Variants in LPIN1 observed in about 807,000 individuals in gnomAD.
The protein encoded by LPIN1 is lipin 1.
In LPIN1, 71 loss-of-function variants were observed where a neutral mutation model predicts 107.5. That is an observed-to-expected ratio of 0.66 (90% CI 0.55 to 0.80). The LOEUF is 0.80. LPIN1 is among the 30% of genes least tolerant of loss of function. The probability of loss-of-function intolerance (pLI) is 0.00; values close to 1 mark genes in which losing one functional copy is unlikely to be tolerated. For synonymous variants in LPIN1, 445 were observed against 452.6 expected (o/e 0.98, Z 0.21); for missense variants, 1,043 against 1,160.6 (o/e 0.90, Z 1.47).
chr2:11,813,908 T>A (rs529220190), intron 17 of LPIN1, among the ~76,000 whole-genome samples: 2 of 152,160 alleles, frequency 1.3e-5, no homozygotes, highest in East Asian at 3.9e-4. Flanking sequence ...AGCAAGACTC[T>A]GTCTCGAAAA....
Position 11,707,744 on chromosome 2 carries a change from G to T in LPIN1, c.82-6012G>T, listed in dbSNP as rs1663201457. The stretch of plus-strand genomic sequence containing the variant: ...GGAGGGGAGAAAGGGAGTGGCTGGG[G>T]CCTGTCCCAACCAAGCGCTGCTGCT... On this transcript the variant is annotated intron_variant, in intron 1 of 21. Coordinates refer to the LPIN1 transcript ENST00000449576. The surrounding 1 kb of genome is among the most constrained non-coding windows in gnomAD (Gnocchi z 4.2). Among the ~76,000 whole-genome samples the T allele has an allele frequency of 6.6e-6, 1 of 152,116 alleles. No homozygotes were observed. The highest frequency in any genetic ancestry group is 1.5e-5 in the Non-Finnish European group (1 of 68,014).
chr2:11,785,798 T>G (rs1418152669), intron 10 of LPIN1, among the ~76,000 whole-genome samples: 1 of 152,164 alleles, frequency 6.6e-6, no homozygotes, highest in African/African-American at 2.4e-5. Flanking sequence ...GACTCCTGCC[T>G]CCACCCTGGT....
chr2:11,779,772 AAG>A, intron 7 of LPIN1, 127 bp downstream of exon 7: 1 of 1,090,248 alleles, frequency 9.2e-7, no homozygotes, highest in South Asian at 1.3e-5. Context: ...AAAATATATT[AAG>A]GGTTAGCCTT....
upstream of LPIN1, chr2:11,722,468 G>T (rs1159292289): frequency 6.6e-6 from 1 of 152,268 alleles, no homozygotes; most frequent in Non-Finnish European, 1.5e-5. Context: ...CGGCTCTGCA[G>T]TGTAATGGCC....
chr2:11,794,094 C>T (rs1215945954), intron 13 of LPIN1, among the ~76,000 whole-genome samples: 9 of 152,204 alleles, frequency 5.9e-5, no homozygotes, highest in African/African-American at 2.2e-4. Flanking sequence ...TGTTCTTTGA[C>T]ATTTTCTGTT....
exon 1 of LPIN1, chr2:11,677,652 G>T: frequency 6.5e-7 from 1 of 1,535,560 alleles, no homozygotes; most frequent in South Asian, 1.2e-5. Context: ...CGGGCCATGG[G>T]GGAACAGGAC....
intron 14 of LPIN1, among the ~76,000 whole-genome samples, chr2:11,797,333 C>T (rs899085971): frequency 2.0e-5 from 3 of 152,174 alleles, no homozygotes; most frequent in Non-Finnish European, 4.4e-5. Context: ...ACTGGGTCTT[C>T]GAGGCAACTT....
In LPIN1 at chr2:11,741,007, G is replaced by A. The variant is rs927764439; in HGVS notation, c.-71-342G>A. 13 of 180,634 alleles carry A rather than the reference G, an allele frequency of 7.2e-5. No homozygotes were observed. The Admixed American group carries it at 7.9e-4, about 11-fold the overall frequency. 11.2% of individuals were successfully genotyped at this position (180,634 alleles called of 1,614,324 possible). A position where few individuals can be genotyped will look rare whatever the true frequency, so the allele number is the denominator to read the frequency against. ...CATAAATTTCTTCCCAGAGCAATCA[G>A]AGATGCTGCATCCAGTTTACTTATT... On this transcript the variant is annotated intron_variant, in intron 1 of 21. Transcript: ENST00000396097.
At chr2:11,784,590 AG>A (rs1674165847) in intron 9 of LPIN1, 1 of 514,342 alleles carries the variant, frequency 1.9e-6, no homozygotes, top group Non-Finnish European at 3.4e-6. Context: ...GATCTAGGGC[AG>A]GGCTGGCGCC....
intron 1 of LPIN1, among the ~76,000 whole-genome samples, chr2:11,753,714 A>G (rs149785459): frequency 2.0e-4 from 30 of 152,350 alleles, no homozygotes; most frequent in Non-Finnish European, 3.5e-4. Context: ...TCAGTCCACA[A>G]TGCTCTGAAA....
At position 11,677,718 on chromosome 2, in the gene LPIN1, C is replaced by T. The variant is rs535520576; in HGVS notation, c.71C>T (p.Ala24Val). 6.5e-6 allele frequency: 10 copies of T among 1,535,728 alleles called. No individual in the cohort carries two copies. The African/African-American group carries it at 1.4e-4, about 21-fold the overall frequency. ...CAGGGCAAGAGCTCCCCAGACTCGG[C>T]TTGGTCATGGGTAAGGGCCGGCCAT... Residue 24 changes from alanine (A) to valine (V), a missense_variant, in exon 1 of 22, where the codon GCT (alanine) becomes GTT (valine). Physicochemically the swap from Ala to Val is moderately conservative, Grantham distance 64. Transcript: ENST00000449576.
chr2:11,741,390 C>A, exon 2 of LPIN1: 1 of 1,550,416 alleles, frequency 6.4e-7, no homozygotes, highest in Non-Finnish European at 8.7e-7. Context: ...AGGCCACCTG[C>A]TTAACAGAAG....
chr2:11,727,266 G>A (rs111557582), intron 1 of LPIN1, among the ~76,000 whole-genome samples: 4 of 152,254 alleles, frequency 2.6e-5, no homozygotes, highest in East Asian at 1.9e-4. Context: ...GAAAAGTAGC[G>A]TCTTCACCAT....
chr2:11,762,430 G>GGGGTGGGGTGGTGGGT (rs1669990761), intron 1 of LPIN1, among the ~76,000 whole-genome samples: 1 of 151,892 alleles, frequency 6.6e-6, no homozygotes, highest in Non-Finnish European at 1.5e-5. Context: ...CTGGAGGTTG[G>GGGGTGGGGTGGTGGGT]GGGTGGGGTG....
At chr2:11,744,236 G>A (rs1666656431), upstream of LPIN1, among the ~76,000 whole-genome samples, 1 of 152,224 alleles carries the variant, frequency 6.6e-6, no homozygotes, top group Admixed American at 6.5e-5. Context: ...GGATTGGCCA[G>A]GGGGATCGCC....
chr2:11,782,483 A>G lies in LPIN1; in HGVS notation c.1240A>G (p.Thr414Ala). ...SASVVQTANK[T>A]DSPSRKRDKR... ...CAGTGTAGTCCAGACAGCAAACAAG[A>G]CGGATTCTCCTTCCAGGAAAAGAGG... The change falls in exon 8 of 21, where the codon ACG becomes GCG. Residue 414 changes from threonine (T) to alanine (A), a missense_variant. Physicochemically the swap from Thr to Ala is moderately conservative, Grantham distance 58. Coordinates refer to ENST00000674199, the MANE Select transcript of LPIN1 (RefSeq NM_001349206.2). 1 of 1,614,104 alleles carries G rather than the reference A, an allele frequency of 6.2e-7. No homozygotes were observed. Among genetic ancestry groups the G allele is most frequent in the Non-Finnish European group, 8.5e-7 (1 of 1,180,008 alleles).
chr2:11,761,801 C>A (rs183646247), intron 1 of LPIN1, among the ~76,000 whole-genome samples: 1 of 152,176 alleles, frequency 6.6e-6, no homozygotes, highest in East Asian at 1.9e-4. Context: ...TTATCCTTGG[C>A]CTTAAGAATG....
chr2:11,771,562 G>A lies in LPIN1; in HGVS notation c.479G>A (p.Arg160Lys). 3.1e-6 allele frequency: 5 copies of A among 1,613,974 alleles called. No individual in the cohort carries two copies. The Middle Eastern group carries it at 8.2e-4, about 266-fold the overall frequency. ...SVVKKRRKRRRKSQLDSLKRD... is the reference protein window; with the variant it reads ...SVVKKRRKRRKKSQLDSLKRD... The stretch of plus-strand genomic sequence containing the variant: ...GTAAAGAAGAGAAGAAAAAGGAGGA[G>A]AAAGTCACAGCTGGACAGCCTGAAG... Residue 160 changes from arginine to lysine, a missense_variant, in exon 4 of 21, where the codon AGA (arginine) becomes AAA (lysine). Transcript: ENST00000674199. The surrounding 1 kb of genome is among the most constrained non-coding windows in gnomAD (Gnocchi z 4.8).
Position 11,767,816 on chromosome 2 carries a change from T to C in LPIN1, c.246T>C (p.Asp82=), listed in dbSNP as rs771360040. 2 of 1,613,414 alleles carry C rather than the reference T, an allele frequency of 1.2e-6. No individual in the cohort carries two copies. The highest frequency in any genetic ancestry group is 2.2e-5 in the South Asian group (2 of 91,060). Residue 82 remains aspartate, a synonymous_variant, in exon 3 of 21, where the codon GAT becomes GAC. Coordinates refer to ENST00000674199, the MANE Select transcript of LPIN1 (RefSeq NM_001349206.2). ...ESVDLHMKLG[D]NGEAFFVQET... is the part of the protein sequence containing the mutation. The stretch of plus-strand genomic sequence containing the variant: ...TGGATTTGCATATGAAATTGGGAGA[T>C]AATGGAGAAGCATTTTTTGTTCAAG...
Sources: allele counts gnomAD v4.1 joint callset (sites outside exome capture counted in the v4.1 genomes callset), GRCh38; gene constraint gnomAD v4.1.1; non-coding constraint Gnocchi (gnomAD v3.1); transcripts MANE v1.5; gene names NCBI Gene and HGNC (gene_info 2026-07-23, HGNC 2026-07-21).